Variants in ERC2 observed in about 807,000 individuals in gnomAD.
ERC2 encodes ELKS/RAB6-interacting/CAST family member 2.
ERC2 carries 42 observed loss-of-function variants against 114.8 expected under a neutral mutation model. That is an observed-to-expected ratio of 0.37 (90% CI 0.29 to 0.47). The LOEUF (loss-of-function observed/expected upper bound fraction) is 0.47, where lower values mean the gene tolerates loss of function less well. ERC2 is among the 20% of genes least tolerant of loss of function. The pLI is 0.99. For missense variants in ERC2, 939 were observed against 1,150.7 expected (o/e 0.82, Z 2.66); for synonymous variants, 454 against 425.5 (o/e 1.07, Z -0.82).
At chr3:55,591,020 G>C (rs929370633) in intron 17 of ERC2, among the ~76,000 whole-genome samples, 8 of 151,954 alleles carry the variant, frequency 5.3e-5, no homozygotes, top group African/African-American at 1.2e-4. Context: ...GTAGAGATGG[G>C]GTTTCACCAC....
At chr3:55,796,907 C>CT (rs1451391016) in intron 14 of ERC2, among the ~76,000 whole-genome samples, 1 of 152,118 alleles carries the variant, frequency 6.6e-6, no homozygotes, top group East Asian at 1.9e-4. Flanking sequence ...AAAACAACAA[C>CT]CAAAAGGGGA....
intron 17 of ERC2, among the ~76,000 whole-genome samples, chr3:55,644,949 T>C (rs1032088136): frequency 5.9e-5 from 9 of 152,124 alleles, no homozygotes; most frequent in Non-Finnish European, 1.3e-4. Context: ...TATTGCTCAC[T>C]ACCCATAATT....
chr3:55,700,532 C>T (rs1178721708), intron 15 of ERC2, among the ~76,000 whole-genome samples: 1 of 152,210 alleles, frequency 6.6e-6, no homozygotes, highest in Non-Finnish European at 1.5e-5. Flanking sequence ...AAGTGTCAGT[C>T]CAGTAACTGG....
At chr3:56,188,765 G>A (rs1485755945) in intron 3 of ERC2, among the ~76,000 whole-genome samples, 1 of 152,120 alleles carries the variant, frequency 6.6e-6, no homozygotes, top group Non-Finnish European at 1.5e-5. Context: ...ATCCTTGATG[G>A]GGGTCACTGG....
chr3:55,738,385 T>C (rs1182482594), intron 14 of ERC2, among the ~76,000 whole-genome samples: 1 of 152,236 alleles, frequency 6.6e-6, no homozygotes, highest in Non-Finnish European at 1.5e-5. Context: ...TTAAGCATTA[T>C]TCTTAGAAAA....
intron 13 of ERC2, among the ~76,000 whole-genome samples, chr3:55,938,766 C>A (rs888670180): frequency 6.6e-6 from 1 of 152,094 alleles, no homozygotes; most frequent in Non-Finnish European, 1.5e-5. Flanking sequence ...ATTTTCAACC[C>A]GTATAATTGA....
intron 17 of ERC2, among the ~76,000 whole-genome samples, chr3:55,561,928 T>C (rs985799095): frequency 6.6e-6 from 1 of 152,160 alleles, no homozygotes; most frequent in Non-Finnish European, 1.5e-5. Flanking sequence ...TGGCTATCTC[T>C]TTGTGGAATT....
chr3:55,604,497 C>T (rs11707445), intron 17 of ERC2, among the ~76,000 whole-genome samples: 8,917 of 152,052 alleles, frequency 0.059, 365 homozygotes, highest in Non-Finnish European at 0.09. Flanking sequence ...TATGTTCCTG[C>T]TGACACTACA....
intron 2 of ERC2, among the ~76,000 whole-genome samples, chr3:56,388,412 C>T (rs1348297579): frequency 6.6e-6 from 1 of 152,158 alleles, no homozygotes; most frequent in East Asian, 1.9e-4. Context: ...CACTTTCAGC[C>T]ATGGTTGCAA....
At chr3:55,623,949 A>G (rs545269262) in intron 17 of ERC2, among the ~76,000 whole-genome samples, 1 of 152,352 alleles carries the variant, frequency 6.6e-6, no homozygotes, top group South Asian at 2.1e-4. Context: ...TGCATTTCTA[A>G]CAGTCTATAG....
intron 6 of ERC2, among the ~76,000 whole-genome samples, chr3:56,083,191 G>C (rs2077328474): frequency 6.6e-6 from 1 of 152,150 alleles, no homozygotes; most frequent in Non-Finnish European, 1.5e-5. Context: ...TAAAATGGTG[G>C]TGTTTTTATA....
intron 12 of ERC2, among the ~76,000 whole-genome samples, chr3:55,958,150 T>C (rs867940034): frequency 6.6e-6 from 1 of 152,178 alleles, no homozygotes; most frequent in Non-Finnish European, 1.5e-5. Context: ...TGGGTAGCTC[T>C]TTTCTGCAGG....
intron 1 of ERC2, among the ~76,000 whole-genome samples, chr3:56,452,957 T>TTTCTTCC (rs2062888093): frequency 6.6e-6 from 1 of 152,202 alleles, no homozygotes; most frequent in Non-Finnish European, 1.5e-5. Flanking sequence ...CATTAGACCC[T>TTTCTTCC]TTCTTCCTCA....
intron 13 of ERC2, among the ~76,000 whole-genome samples, chr3:55,890,323 T>G (rs934947926): frequency 2.0e-5 from 3 of 152,208 alleles, no homozygotes; most frequent in African/African-American, 7.2e-5. Flanking sequence ...CCAATTCAGA[T>G]AGTCTGCCTG....
intron 17 of ERC2, among the ~76,000 whole-genome samples, chr3:55,542,717 C>T (rs1157532390): frequency 6.6e-6 from 1 of 152,222 alleles, no homozygotes; most frequent in Non-Finnish European, 1.5e-5. Flanking sequence ...TTGACAGCAG[C>T]TCTGGGTAAC....
At chr3:55,910,899 T>G (rs927633318) in intron 13 of ERC2, among the ~76,000 whole-genome samples, 7 of 152,214 alleles carry the variant, frequency 4.6e-5, no homozygotes, top group African/African-American at 1.7e-4. Flanking sequence ...AATGTATCAC[T>G]TTTCAAGCTT....
At chr3:55,869,337 T>G (rs2062462892) in intron 14 of ERC2, among the ~76,000 whole-genome samples, 1 of 152,150 alleles carries the variant, frequency 6.6e-6, no homozygotes, top group Non-Finnish European at 1.5e-5. Flanking sequence ...TATTGCCTAC[T>G]TACGGAGATG....
intron 3 of ERC2, among the ~76,000 whole-genome samples, chr3:56,192,815 C>T (rs545002656): frequency 6.6e-6 from 1 of 152,208 alleles, no homozygotes; most frequent in East Asian, 1.9e-4. Flanking sequence ...CAATGGGGAA[C>T]TGAAGATCTT....
intron 2 of ERC2, among the ~76,000 whole-genome samples, chr3:56,349,887 TG>T (rs768494139): frequency 6.9e-6 from 1 of 145,660 alleles, no homozygotes; most frequent in African/African-American, 2.6e-5. Context: ...CACTCCAGCC[TG>T]GGCGAGACAG....
Sources: allele counts gnomAD v4.1 joint callset (sites outside exome capture counted in the v4.1 genomes callset), GRCh38; gene constraint gnomAD v4.1.1; transcripts MANE v1.5; gene names NCBI Gene and HGNC (gene_info 2026-07-23, HGNC 2026-07-21).